ANO2: variants seen among roughly 807,000 people sequenced by gnomAD.
ANO2 encodes the protein anoctamin 2, also known as anoctamin-2.
ANO2 carries 101 observed loss-of-function variants against 124.2 expected under a neutral mutation model. The ratio of observed to expected loss-of-function variants is 0.81; its 90% CI spans 0.69 to 0.96. ANO2 has a LOEUF of 0.96. Among genes scored for constraint, ANO2 ranks in the 40% least tolerant of loss-of-function variants. The pLI, the probability that ANO2 is intolerant of heterozygous loss-of-function variation, is 0.00. For synonymous variants in ANO2, 486 were observed against 482.5 expected, an observed-to-expected ratio of 1.01 and a Z score of -0.09; for missense variants, 1,293 against 1,274.5, an observed-to-expected ratio of 1.01 and a Z score of -0.22.
At chr12:5,893,480 CCTTT>C (rs1939546142) in intron 3 of ANO2, among the ~76,000 whole-genome samples, 2 of 151,064 alleles carry the variant, frequency 1.3e-5, no homozygotes, top group African/African-American at 4.9e-5. Context: ...GTTTTTTTTC[CCTTT>C]TTTTCTTTTT....
chr12:5,644,072 A>G (rs1009466663), intron 15 of ANO2, among the ~76,000 whole-genome samples: 5 of 152,122 alleles, frequency 3.3e-5, no homozygotes, highest in South Asian at 2.1e-4. Flanking sequence ...TGCTTTTTGT[A>G]TCTTGCTCAA....
chr12:5,702,816 T>C (rs1322772916), intron 14 of ANO2, among the ~76,000 whole-genome samples: 1 of 152,170 alleles, frequency 6.6e-6, no homozygotes, highest in African/African-American at 2.4e-5. Flanking sequence ...TAAAATGAAA[T>C]ATCACTTCAT....
intron 14 of ANO2, among the ~76,000 whole-genome samples, chr12:5,732,207 G>A (rs190792211): frequency 6.6e-6 from 1 of 152,292 alleles, no homozygotes; most frequent in Admixed American, 6.5e-5. Context: ...GTCTGGTGGG[G>A]TATTGAATGT....
chr12:5,643,063 TAC>T (rs67252256), intron 15 of ANO2, among the ~76,000 whole-genome samples: 10,509 of 149,896 alleles, frequency 0.07, 556 homozygotes, highest in African/African-American at 0.15. Flanking sequence ...AAATCCATTT[TAC>T]ACACACACAC....
chr12:5,920,142 T>C (rs1188560862), intron 3 of ANO2, among the ~76,000 whole-genome samples: 1 of 151,996 alleles, frequency 6.6e-6, no homozygotes, highest in Non-Finnish European at 1.5e-5. Flanking sequence ...GATAGGTGGA[T>C]ATGTGTATGA....
Position 5,904,394 on chromosome 12 carries a change from T to C in ANO2, c.534+16646A>G, listed in dbSNP as rs970572288. ...ACTGAAGGGTCTGAATGAGTGGGAT[T>C]GGAAGGAGGGAGAGTGATGGGAAAA... is the stretch of plus-strand genomic sequence containing the variant. On this transcript the variant is annotated intron_variant, in intron 3 of 24. Coordinates refer to ENST00000682330, the MANE Select transcript of ANO2 (RefSeq NM_001364791.2). This position sits in a 1 kb window ranked among gnomAD's most constrained non-coding sequence, Gnocchi z 4.1. Among the ~76,000 whole-genome samples the C allele has an allele frequency of 6.6e-6, 1 of 152,150 alleles. No homozygotes were observed. The highest frequency in any genetic ancestry group is 1.5e-5 in the Non-Finnish European group (1 of 68,026).
intron 3 of ANO2, among the ~76,000 whole-genome samples, chr12:5,863,266 G>A (rs371061512): frequency 1.2e-4 from 19 of 152,288 alleles, no homozygotes; most frequent in African/African-American, 3.6e-4. Context: ...AAGGCAGCAC[G>A]GCACCTTGAA....
intron 14 of ANO2, among the ~76,000 whole-genome samples, chr12:5,664,012 T>A (rs1288235195): frequency 6.6e-6 from 1 of 152,152 alleles, no homozygotes; most frequent in Non-Finnish European, 1.5e-5. Flanking sequence ...GATATAGCCA[T>A]GGCCAGGATA....
chr12:5,827,000 G>C (rs967351485), intron 7 of ANO2, among the ~76,000 whole-genome samples: 1 of 152,140 alleles, frequency 6.6e-6, no homozygotes, highest in Non-Finnish European at 1.5e-5. Context: ...AGCACCTTGG[G>C]AACAAGGGTT....
At chr12:5,786,925 T>C (rs1169520525) in intron 10 of ANO2, among the ~76,000 whole-genome samples, 1 of 152,172 alleles carries the variant, frequency 6.6e-6, no homozygotes, top group Non-Finnish European at 1.5e-5. Context: ...AACTGGTCCT[T>C]GATGAGCGCA....
At chr12:5,615,333 G>A (rs1591742313) in intron 16 of ANO2, 36 bp from the exon 17 acceptor site, 1 of 1,528,174 alleles carries the variant, frequency 6.5e-7, no homozygotes, top group African/African-American at 1.4e-5. Context: ...AGATTGGGGT[G>A]AGATTTCTCA....
intron 6 of ANO2, among the ~76,000 whole-genome samples, chr12:5,829,745 A>G (rs1452890356): frequency 1.3e-5 from 2 of 151,870 alleles, no homozygotes; most frequent in African/African-American, 2.4e-5. Context: ...GTGAATGAAG[A>G]TGTTCTACAG....
intron 10 of ANO2, among the ~76,000 whole-genome samples, chr12:5,798,159 G>A (rs548703736): frequency 6.6e-6 from 1 of 152,270 alleles, no homozygotes; most frequent in East Asian, 1.9e-4. Context: ...AGCCCACCAA[G>A]AATGGAATGA....
chr12:5,632,382 T>C (rs1449006981), intron 16 of ANO2, among the ~76,000 whole-genome samples: 1 of 151,938 alleles, frequency 6.6e-6, no homozygotes, highest in Admixed American at 6.6e-5. Context: ...CGTATAACAC[T>C]GCCCTTGCTG....
intron 10 of ANO2, among the ~76,000 whole-genome samples, chr12:5,791,880 T>G (rs2137150698): frequency 6.6e-6 from 1 of 152,374 alleles, no homozygotes; most frequent in South Asian, 2.1e-4. Context: ...TTAATGAATG[T>G]TATAATTTCC....
At chr12:5,607,766 C>G (rs4930741) in intron 19 of ANO2, among the ~76,000 whole-genome samples, 36,249 of 152,064 alleles carry the variant, frequency 0.24, 5,295 homozygotes, top group Admixed American at 0.35. Flanking sequence ...AGGTTGTGTG[C>G]TCCTTATGAG....
chr12:5,854,417 AAAAC>A, intron 3 of ANO2, among the ~76,000 whole-genome samples: 1 of 151,526 alleles, frequency 6.6e-6, no homozygotes, highest in Non-Finnish European at 1.5e-5. Flanking sequence ...AAAAAAAAAA[AAAAC>A]AAGTTAAAAC....
At chr12:5,870,725 GGATCAAAGGTCC>G (rs1455045451) in intron 3 of ANO2, among the ~76,000 whole-genome samples, 7 of 152,078 alleles carry the variant, frequency 4.6e-5, no homozygotes, top group Admixed American at 6.5e-5. Context: ...AAACTTGAAG[GGATCAAAGGTCC>G]TACTCAGGAT....
chr12:5,920,917 C>G (rs988983199), intron 3 of ANO2, 123 bp downstream of exon 3: 15 of 1,172,738 alleles, frequency 1.3e-5, no homozygotes, highest in South Asian at 9.9e-5. Flanking sequence ...GTTTCTCCAG[C>G]AGAAAAAAAA....
Sources: gnomAD v4.1 joint callset for allele counts (sites outside exome capture counted in the v4.1 genomes callset) on GRCh38, gnomAD v4.1.1 for gene constraint, Gnocchi (gnomAD v3.1) non-coding constraint, MANE v1.5 for transcripts, NCBI Gene and HGNC (gene_info 2026-07-23, HGNC 2026-07-21) for gene names.